The following MIPOL1 variants were observed in gnomAD, a reference collection of about 807,000 sequenced individuals.
MIPOL1 encodes the protein mirror-image polydactyly gene 1 protein.
A neutral mutation model predicts 60.9 loss-of-function variants in MIPOL1; 57 were observed. That is an observed-to-expected ratio of 0.94 (90% CI 0.76 to 1.17). The LOEUF is 1.17. Ranked by LOEUF, MIPOL1 falls within the 50% of genes most tolerant of loss-of-function variation. The pLI is 0.00. For synonymous variants in MIPOL1, 179 were observed against 168.8 expected (o/e 1.06, Z -0.47); for missense variants, 551 against 511.6 (o/e 1.08, Z -0.74).
At position 37,253,413 on chromosome 14, in the gene MIPOL1, A is replaced by G. The variant is rs147724507; in HGVS notation, c.19+5506A>G. Among the ~76,000 whole-genome samples, 805 of 151,914 alleles carry G rather than the reference A, an allele frequency of 5.3e-3. 11 individuals are homozygous for G. Among genetic ancestry groups the G allele is most frequent in the Admixed American group, 0.029 (441 of 15,206 alleles). On this transcript the variant is annotated intron_variant, in intron 3 of 12. Coordinates refer to ENST00000684589, the MANE Select transcript of MIPOL1 (RefSeq NM_001388067.1). ...TGCTATATGTAAAGTCCCTACTACA[A>G]TGTCTGAAACAGGAAATGAATTTAT...
chr14:37,257,791 G>A (rs1023152279), intron 3 of MIPOL1, among the ~76,000 whole-genome samples: 1 of 152,134 alleles, frequency 6.6e-6, no homozygotes, highest in African/African-American at 2.4e-5. Flanking sequence ...TTTGCTGAAT[G>A]ACAAAGGGTT....
At chr14:37,488,879 T>C (rs1427543636) in intron 11 of MIPOL1, among the ~76,000 whole-genome samples, 1 of 152,204 alleles carries the variant, frequency 6.6e-6, no homozygotes, top group Non-Finnish European at 1.5e-5. Flanking sequence ...CATTTTTTCC[T>C]TCATTTCAAC....
At chr14:37,345,015 C>CA (rs11303363) in intron 9 of MIPOL1, among the ~76,000 whole-genome samples, 3,003 of 128,678 alleles carry the variant, frequency 0.023, 58 homozygotes, top group African/African-American at 0.05. Context: ...AGACTCTTAT[C>CA]AAAAAAAAAA....
At chr14:37,407,766 A>G (rs1352199893) in intron 10 of MIPOL1, among the ~76,000 whole-genome samples, 1 of 150,950 alleles carries the variant, frequency 6.6e-6, no homozygotes, top group East Asian at 1.9e-4. Flanking sequence ...ATTCTTAATC[A>G]TTTAATCAAA....
intron 9 of MIPOL1, among the ~76,000 whole-genome samples, chr14:37,353,946 T>C (rs1445369974): frequency 2.6e-5 from 4 of 152,182 alleles, no homozygotes; most frequent in Non-Finnish European, 5.9e-5. Flanking sequence ...TGCCTTCTGC[T>C]AGCTTTTGAA....
intron 10 of MIPOL1, among the ~76,000 whole-genome samples, chr14:37,388,731 T>G (rs2093149008): frequency 6.6e-6 from 1 of 152,086 alleles, no homozygotes; most frequent in Non-Finnish European, 1.5e-5. Context: ...GCTATGCAAG[T>G]AGAGTCATAT....
chr14:37,225,698 A>G (rs1969597478), intron 1 of MIPOL1, among the ~76,000 whole-genome samples: 1 of 151,370 alleles, frequency 6.6e-6, no homozygotes, highest in Non-Finnish European at 1.5e-5. Context: ...CATTTTCCCC[A>G]TTGTCTTGGG....
At chr14:37,325,996 A>G (rs1183255451) in intron 9 of MIPOL1, among the ~76,000 whole-genome samples, 1 of 152,198 alleles carries the variant, frequency 6.6e-6, no homozygotes, top group Non-Finnish European at 1.5e-5. Flanking sequence ...CAGCATCTTA[A>G]TTTGCAGAGA....
chr14:37,212,661 G>A (rs1966884805), intron 1 of MIPOL1, among the ~76,000 whole-genome samples: 3 of 152,160 alleles, frequency 2.0e-5, no homozygotes, highest in Admixed American at 2.0e-4. Context: ...TGAAGGGAAG[G>A]ACATAGGCCT....
At chr14:37,394,474 T>C (rs1030465678) in intron 10 of MIPOL1, among the ~76,000 whole-genome samples, 2 of 152,154 alleles carry the variant, frequency 1.3e-5, no homozygotes, top group Admixed American at 6.6e-5. Context: ...AGTCAGGTGG[T>C]ATTGCATTGT....
At chr14:37,248,629 T>C (rs1054877519) in intron 3 of MIPOL1, among the ~76,000 whole-genome samples, 10 of 151,954 alleles carry the variant, frequency 6.6e-5, no homozygotes, top group African/African-American at 2.2e-4. Context: ...TCTATATCTA[T>C]ATCTATATAT....
downstream of MIPOL1, chr14:37,552,188 T>C (rs1372087513): frequency 1.3e-5 from 2 of 152,150 alleles, no homozygotes; most frequent in Non-Finnish European, 2.9e-5. Flanking sequence ...TGGTGTTATC[T>C]AAACTATCAC....
chr14:37,465,328 C>G (rs2094585433), intron 11 of MIPOL1, among the ~76,000 whole-genome samples: 1 of 152,104 alleles, frequency 6.6e-6, no homozygotes. Flanking sequence ...TACACTTAGA[C>G]CATCAACAGC....
intron 9 of MIPOL1, among the ~76,000 whole-genome samples, chr14:37,353,148 C>A (rs2091531337): frequency 2.1e-5 from 3 of 143,892 alleles, no homozygotes; most frequent in Non-Finnish European, 4.5e-5. Context: ...GCTTTTTCTG[C>A]ATCTATTGAG....
intron 9 of MIPOL1, among the ~76,000 whole-genome samples, chr14:37,338,108 AT>A (rs61425558): frequency 1.7e-4 from 23 of 134,864 alleles, no homozygotes; most frequent in East Asian, 6.5e-4. Flanking sequence ...ATTTAATTTA[AT>A]TTTTTTTTTT....
chr14:37,469,780 A>C (rs1237433450), intron 11 of MIPOL1, among the ~76,000 whole-genome samples: 1 of 152,126 alleles, frequency 6.6e-6, no homozygotes, highest in Non-Finnish European at 1.5e-5. Flanking sequence ...AAAAAAGGAT[A>C]AGGTCAGCCC....
At chr14:37,351,250 A>G (rs2091343787) in intron 9 of MIPOL1, among the ~76,000 whole-genome samples, 1 of 146,536 alleles carries the variant, frequency 6.8e-6, no homozygotes, top group Non-Finnish European at 1.5e-5. Flanking sequence ...ATTCTTTTTT[A>G]TGGCTGCATA....
intron 12 of MIPOL1, chr14:37,545,875 CTG>C: frequency 2.6e-6 from 1 of 378,328 alleles, no homozygotes; most frequent in Non-Finnish European, 4.8e-6. Context: ...ATGAGGCAAA[CTG>C]TGAAGCAGAC....
At chr14:37,254,825 A>ATAGG (rs1352806432) in intron 3 of MIPOL1, among the ~76,000 whole-genome samples, 28 of 151,894 alleles carry the variant, frequency 1.8e-4, no homozygotes, top group Middle Eastern at 3.4e-3. Flanking sequence ...AAAAATGGTA[A>ATAGG]ATTTCCCTTT....
Sources: allele counts gnomAD v4.1 joint callset (sites outside exome capture counted in the v4.1 genomes callset), GRCh38; gene constraint gnomAD v4.1.1; transcripts MANE v1.5; gene names NCBI Gene and HGNC (gene_info 2026-07-23, HGNC 2026-07-21).